Variants in CTNNA2 observed in about 807,000 individuals in gnomAD.
CTNNA2 encodes the protein catenin alpha 2.
A neutral mutation model predicts 101.0 loss-of-function variants in CTNNA2; 42 were observed. The ratio of observed to expected loss-of-function variants is 0.42; its 90% CI spans 0.32 to 0.54. The LOEUF is 0.54. Among genes scored for constraint, CTNNA2 ranks in the 20% least tolerant of loss-of-function variants. The pLI is 0.14. For synonymous variants in CTNNA2, 450 were observed against 456.4 expected (o/e 0.99, Z 0.18); for missense variants, 871 against 1,223.1 (o/e 0.71, Z 4.29).
chr2:80,329,710 C>A (rs1671147713), intron 7 of CTNNA2, among the ~76,000 whole-genome samples: 1 of 152,158 alleles, frequency 6.6e-6, no homozygotes, highest in African/African-American at 2.4e-5. Flanking sequence ...AACATTGGAA[C>A]CTTTGATGTG....
intron 4 of CTNNA2, among the ~76,000 whole-genome samples, chr2:79,409,878 A>G (rs995792401): frequency 1.3e-5 from 2 of 151,840 alleles, no homozygotes; most frequent in Non-Finnish European, 2.9e-5. Flanking sequence ...TTGAATCTAT[A>G]TATTACCTTG....
intron 3 of CTNNA2, among the ~76,000 whole-genome samples, chr2:79,803,196 C>G (rs1389031606): frequency 1.3e-5 from 2 of 152,008 alleles, no homozygotes; most frequent in African/African-American, 4.8e-5. Context: ...TTTTGCAATC[C>G]TGAAAAAAAT....
intron 6 of CTNNA2, among the ~76,000 whole-genome samples, chr2:79,878,377 G>T (rs1430357317): frequency 2.0e-5 from 3 of 152,130 alleles, no homozygotes; most frequent in Non-Finnish European, 4.4e-5. Context: ...TTCTAGATCT[G>T]TAAGGAATTG....
intron 9 of CTNNA2, among the ~76,000 whole-genome samples, chr2:80,543,029 A>C (rs556913229): frequency 2.6e-4 from 40 of 152,318 alleles, no homozygotes; most frequent in Admixed American, 2.0e-3. Flanking sequence ...GGTGAAGCTC[A>C]ACTGTATTTT....
intron 9 of CTNNA2, among the ~76,000 whole-genome samples, chr2:80,431,747 C>T (rs1205739786): frequency 1.3e-5 from 2 of 152,184 alleles, no homozygotes; most frequent in Non-Finnish European, 2.9e-5. Flanking sequence ...GTTTGAATAA[C>T]TCTTAATCAG....
chr2:80,641,037 A>G (rs1467132733), intron 18 of CTNNA2, among the ~76,000 whole-genome samples: 1 of 152,184 alleles, frequency 6.6e-6, no homozygotes, highest in Non-Finnish European at 1.5e-5. Context: ...GCTAAAGTGG[A>G]CTTTACACAT....
intron 4 of CTNNA2, among the ~76,000 whole-genome samples, chr2:79,494,240 A>G (rs1671232651): frequency 6.6e-6 from 1 of 151,562 alleles, no homozygotes; most frequent in Non-Finnish European, 1.5e-5. Flanking sequence ...TTATCTGCAG[A>G]TTCAAATCAA....
chr2:80,518,578 C>T (rs183114800), intron 9 of CTNNA2, among the ~76,000 whole-genome samples: 1 of 152,284 alleles, frequency 6.6e-6, no homozygotes, highest in African/African-American at 2.4e-5. Context: ...GATACTCAGT[C>T]TTCAGCTGGT....
At chr2:79,893,664 T>A (rs1471656899) in intron 6 of CTNNA2, among the ~76,000 whole-genome samples, 3 of 152,318 alleles carry the variant, frequency 2.0e-5, no homozygotes, top group South Asian at 4.1e-4. Context: ...TATGTATCAG[T>A]CTTTGACCCA....
intron 3 of CTNNA2, among the ~76,000 whole-genome samples, chr2:79,750,402 T>A (rs2105024617): frequency 6.6e-6 from 1 of 152,312 alleles, no homozygotes; most frequent in East Asian, 1.9e-4. Context: ...CCTCAGGTGA[T>A]TTCATTTTAC....
In CTNNA2 at chr2:80,083,151, TATC is replaced by T. The variant is rs567299916; in HGVS notation, c.1056+173357_1056+173359del. ...TTTGCCTTGATTCTCTGGACTCCAT[TATC>T]ATGAATAGACTGGGGCTGTGAAGTC... is the stretch of plus-strand genomic sequence containing the variant. On this transcript the variant is annotated intron_variant, in intron 7 of 18. Coordinates refer to ENST00000402739, the MANE Select transcript of CTNNA2 (RefSeq NM_001282597.3). 2.6e-5 allele frequency among the ~76,000 whole-genome samples: 4 copies of T among 152,194 alleles called. No individual in the cohort carries two copies. In the East Asian group the frequency reaches 7.8e-4, roughly 30 times the overall value.
chr2:80,260,653 G>A (rs181631081), intron 7 of CTNNA2, among the ~76,000 whole-genome samples: 53 of 152,254 alleles, frequency 3.5e-4, no homozygotes, highest in Middle Eastern at 3.4e-3. Context: ...CAAGATGCAT[G>A]GATAGGCCAG....
chr2:79,997,004 G>T (rs1692593000), intron 7 of CTNNA2, among the ~76,000 whole-genome samples: 2 of 152,090 alleles, frequency 1.3e-5, no homozygotes, highest in Admixed American at 6.5e-5. Flanking sequence ...CATGGTAGGG[G>T]CCAGAGTAAG....
At chr2:79,208,352 G>A (rs948015899) in intron 2 of CTNNA2, among the ~76,000 whole-genome samples, 1 of 152,160 alleles carries the variant, frequency 6.6e-6, no homozygotes, top group African/African-American at 2.4e-5. Context: ...TGGTAATGAA[G>A]TGCATCTCAC....
chr2:79,269,760 C>T lies in CTNNA2; in HGVS notation c.-405-42949C>T, dbSNP rs148361207. ...CACATGATCACTCTTATTGTATGCACTACTATCAAGTGCCTGTTACTTGCC... is the reference window on the plus strand; with the variant it reads ...CACATGATCACTCTTATTGTATGCATTACTATCAAGTGCCTGTTACTTGCC... On this transcript the variant is annotated intron_variant, in intron 2 of 21. Coordinates refer to the CTNNA2 transcript ENST00000466387. Among the ~76,000 whole-genome samples, 975 of 152,212 alleles carry T rather than the reference C, an allele frequency of 6.4e-3. 8 individuals are homozygous for T. The highest frequency in any genetic ancestry group is 0.02 in the Middle Eastern group (6 of 294).
chr2:80,477,818 A>G (rs1337823652), intron 9 of CTNNA2, among the ~76,000 whole-genome samples: 1 of 151,530 alleles, frequency 6.6e-6, no homozygotes, highest in African/African-American at 2.4e-5. Flanking sequence ...TTAATTCCAT[A>G]TCTTTGCAAT....
At chr2:79,505,587 T>A (rs926146151) in intron 5 of CTNNA2, among the ~76,000 whole-genome samples, 2 of 152,222 alleles carry the variant, frequency 1.3e-5, no homozygotes, top group Non-Finnish European at 2.9e-5. Context: ...TAGAATGAAA[T>A]ACGGCAATGA....
chr2:79,278,961 C>G (rs927423602), intron 2 of CTNNA2, among the ~76,000 whole-genome samples: 1 of 152,060 alleles, frequency 6.6e-6, no homozygotes, highest in Non-Finnish European at 1.5e-5. Context: ...AGCTGGTCAG[C>G]CTCTTGCTGT....
chr2:80,092,630 T>A (rs1176165207), intron 7 of CTNNA2, among the ~76,000 whole-genome samples: 1 of 152,128 alleles, frequency 6.6e-6, no homozygotes, highest in Non-Finnish European at 1.5e-5. Flanking sequence ...CATCCCACCC[T>A]GCTAACCTTT....
Sources: gnomAD v4.1 joint callset for allele counts (sites outside exome capture counted in the v4.1 genomes callset) on GRCh38, gnomAD v4.1.1 for gene constraint, MANE v1.5 for transcripts, NCBI Gene and HGNC (gene_info 2026-07-23, HGNC 2026-07-21) for gene names.